CSMD2: variants seen among roughly 807,000 people sequenced by gnomAD.
CSMD2 encodes the protein CUB and sushi domain-containing protein 2.
In CSMD2, 130 loss-of-function variants were observed where a neutral mutation model predicts 398.5. The ratio of observed to expected loss-of-function variants is 0.33; its 90% CI spans 0.28 to 0.38. The LOEUF is 0.38. Among genes scored for constraint, CSMD2 ranks in the 10% least tolerant of loss-of-function variants. The pLI is 1.00. For synonymous variants in CSMD2, 1,828 were observed against 1,908.5 expected, an observed-to-expected ratio of 0.96 and a Z score of 1.10; for missense variants, 3,829 against 4,764.9, an observed-to-expected ratio of 0.80 and a Z score of 5.78.
intron 13 of CSMD2, among the ~76,000 whole-genome samples, chr1:33,744,259 G>C (rs1177839671): frequency 6.6e-6 from 1 of 152,182 alleles, no homozygotes; most frequent in African/African-American, 2.4e-5. Flanking sequence ...GCGGTAACCG[G>C]GTGGAGACAG....
intron 41 of CSMD2, chr1:33,606,139 AG>A: frequency 8.0e-7 from 1 of 1,245,830 alleles, no homozygotes; most frequent in South Asian, 1.6e-5. Flanking sequence ...GAAGCAGCTG[AG>A]GCCAGTCCAT....
At chr1:33,727,898 C>T (rs999208738) in intron 15 of CSMD2, among the ~76,000 whole-genome samples, 2 of 152,178 alleles carry the variant, frequency 1.3e-5, no homozygotes, top group South Asian at 4.2e-4. Context: ...ACTATTACTG[C>T]TTCTGTCACT....
intron 9 of CSMD2, among the ~76,000 whole-genome samples, chr1:33,814,607 T>C (rs1657247288): frequency 6.6e-6 from 1 of 152,206 alleles, no homozygotes; most frequent in Non-Finnish European, 1.5e-5. Context: ...AATTCCTTTT[T>C]CCCTCCTGTT....
chr1:34,113,724 C>G (rs1270896420), intron 1 of CSMD2, among the ~76,000 whole-genome samples: 1 of 152,086 alleles, frequency 6.6e-6, no homozygotes, highest in African/African-American at 2.4e-5. Flanking sequence ...TCCAAAAAAG[C>G]CTTTATGAGA....
intron 5 of CSMD2, among the ~76,000 whole-genome samples, chr1:33,880,373 A>G (rs142399801): frequency 4.2e-4 from 64 of 151,884 alleles, no homozygotes; most frequent in African/African-American, 1.5e-3. Flanking sequence ...CTTTTAATAC[A>G]TTCAAACTTT....
In CSMD2 at chr1:33,788,502, C is replaced by T. The variant is rs574739928; in HGVS notation, c.1663+98G>A. The T allele has an allele frequency of 1.1e-3, 690 of 643,030 alleles. 2 individuals carry two copies. The African/African-American group carries it at 0.014, about 13-fold the overall frequency. The allele number at this position is 643,030 out of a possible 1,614,324, so 39.8% of individuals were successfully genotyped here. A position where few individuals can be genotyped will look rare whatever the true frequency, so the allele number is the denominator to read the frequency against. On this transcript the variant is annotated intron_variant, in intron 12 of 70. Transcript: ENST00000373381. ...CAGCCTGGGCAACAGAGTGAGACTC[C>T]GTCTCAAAAAAAAAAAAAAAAAAAA...
At chr1:33,892,688 A>G (rs910891111) in intron 5 of CSMD2, among the ~76,000 whole-genome samples, 12 of 152,236 alleles carry the variant, frequency 7.9e-5, no homozygotes, top group Non-Finnish European at 1.3e-4. Context: ...TCCATGGGGT[A>G]CATATACCAC....
chr1:33,796,219 C>A (rs1654931689), intron 10 of CSMD2, among the ~76,000 whole-genome samples: 1 of 152,196 alleles, frequency 6.6e-6, no homozygotes, highest in Admixed American at 6.5e-5. Context: ...TTCATCACTC[C>A]AAGAGCTGAG....
intron 9 of CSMD2, among the ~76,000 whole-genome samples, chr1:33,818,826 A>T (rs1351979843): frequency 6.6e-6 from 1 of 152,190 alleles, no homozygotes; most frequent in Non-Finnish European, 1.5e-5. Flanking sequence ...TCAGTATAAT[A>T]ATGAGATATT....
At chr1:33,724,456 T>C in intron 18 of CSMD2, 60 bp downstream of exon 18, 1 of 1,578,800 alleles carries the variant, frequency 6.3e-7, no homozygotes, top group Non-Finnish European at 8.7e-7. Context: ...TTTGAGCACC[T>C]GTGTTTCTGT....
In CSMD2 at chr1:33,636,231, C is replaced by G; in HGVS notation, c.4969+129G>C. ...CTTCTATACACATCCACGGCAAACC[C>G]AGGTTTGCCAGGCTTGGAGGAGCCG... On this transcript the variant is annotated intron_variant, in intron 30 of 70. Coordinates refer to ENST00000373381, the MANE Select transcript of CSMD2 (RefSeq NM_001281956.2). The surrounding 1 kb of genome is among the most constrained non-coding windows in gnomAD (Gnocchi z 4.8). 1.2e-6 allele frequency: 1 copy of G among 838,110 alleles called. No individual in the cohort carries two copies. The highest frequency in any genetic ancestry group is 1.8e-6 in the Non-Finnish European group (1 of 543,780). The allele number at this position is 838,110 out of a possible 1,614,324, so 51.9% of individuals were successfully genotyped here. A position where few individuals can be genotyped will look rare whatever the true frequency, so the allele number is the denominator to read the frequency against.
chr1:33,656,471 G>A (rs938897956), intron 27 of CSMD2, among the ~76,000 whole-genome samples: 1 of 152,228 alleles, frequency 6.6e-6, no homozygotes, highest in African/African-American at 2.4e-5. Flanking sequence ...AATTCCCACT[G>A]AGGAGCAGGA....
rs1392968184 is a variant in CSMD2 at position 33,662,897 on chromosome 1, T to C, written c.4248A>G (p.Gln1416=). ...CAGAGGGCACGCACAGACCTGAAAA[T>C]TGAATGGCAAAGCCCTGCTTGCTGG... The part of the protein sequence containing the change: ...FFTSKQGFAI[Q]FSVSTATSCN... Residue 1416 remains glutamine, a synonymous_variant, in exon 26 of 71, where the codon CAA becomes CAG. Coordinates refer to ENST00000373381, the MANE Select transcript of CSMD2 (RefSeq NM_001281956.2). The C allele has an allele frequency of 3.1e-6, 5 of 1,613,854 alleles. No individual in the cohort carries two copies. Among genetic ancestry groups the C allele is most frequent in the Middle Eastern group, 3.3e-4 (2 of 6,082 alleles).
chr1:33,677,313 T>C (rs576613986), intron 25 of CSMD2, among the ~76,000 whole-genome samples: 1 of 152,220 alleles, frequency 6.6e-6, no homozygotes, highest in African/African-American at 2.4e-5. Context: ...TATGAACAGA[T>C]ACTTCTCAAA....
At chr1:33,836,057 C>G (rs1340234137) in intron 6 of CSMD2, among the ~76,000 whole-genome samples, 1 of 152,158 alleles carries the variant, frequency 6.6e-6, no homozygotes, top group Non-Finnish European at 1.5e-5. Flanking sequence ...GATGTCCTTT[C>G]TGTTTGTTAG....
intron 44 of CSMD2, among the ~76,000 whole-genome samples, chr1:33,588,629 A>G (rs1417965): frequency 0.24 from 36,021 of 152,174 alleles, 4,813 homozygotes; most frequent in East Asian, 0.54. Context: ...ACAAACCATT[A>G]TGTTAGAGAA....
At chr1:33,984,797 G>A (rs577985416) in intron 3 of CSMD2, among the ~76,000 whole-genome samples, 506 of 151,434 alleles carry the variant, frequency 3.3e-3, no homozygotes, top group African/African-American at 0.01. Context: ...AAAAGGAAAG[G>A]AAAGGGAAAG....
intron 3 of CSMD2, among the ~76,000 whole-genome samples, chr1:33,963,955 T>C (rs1442853147): frequency 3.3e-5 from 5 of 152,234 alleles, no homozygotes; most frequent in African/African-American, 1.2e-4. Context: ...AGATGGCAGA[T>C]GTGTCTTTAA....
At chr1:33,855,824 C>T (rs1315103538) in intron 5 of CSMD2, among the ~76,000 whole-genome samples, 1 of 152,226 alleles carries the variant, frequency 6.6e-6, no homozygotes, top group African/African-American at 2.4e-5. Context: ...CTCAACTCTA[C>T]TCAACCCTCT....
Sources: allele counts gnomAD v4.1 joint callset (sites outside exome capture counted in the v4.1 genomes callset), GRCh38; gene constraint gnomAD v4.1.1; non-coding constraint Gnocchi (gnomAD v3.1); transcripts MANE v1.5; gene names NCBI Gene and HGNC (gene_info 2026-07-23, HGNC 2026-07-21).